PATJ: variants seen among roughly 807,000 people sequenced by gnomAD.
PATJ encodes the protein inaD-like protein.
PATJ carries 190 observed loss-of-function variants against 224.9 expected under a neutral mutation model. The ratio of observed to expected loss-of-function variants is 0.84; its 90% CI spans 0.75 to 0.95. The LOEUF (loss-of-function observed/expected upper bound fraction) is 0.95, where lower values mean the gene tolerates loss of function less well. PATJ is among the 40% of genes least tolerant of loss of function. The pLI is 0.00. For missense variants in PATJ, 2,121 were observed against 2,270.3 expected (o/e 0.93, Z 1.34); for synonymous variants, 769 against 820.3 (o/e 0.94, Z 1.07).
intron 17 of PATJ, among the ~76,000 whole-genome samples, chr1:61,850,378 C>T (rs1310739252): frequency 2.0e-5 from 3 of 152,206 alleles, no homozygotes; most frequent in Admixed American, 2.0e-4. Flanking sequence ...TAACAGTCTT[C>T]TTACGCCCAC....
chr1:62,120,947 CCATATACAAAAGCA>C (rs566779642), intron 37 of PATJ: 334 of 430,778 alleles, frequency 7.8e-4, no homozygotes, highest in Non-Finnish European at 1.1e-3. Flanking sequence ...GTGATTGAAA[CCATATACAAAAGCA>C]CACATAATGG....
intron 26 of PATJ, among the ~76,000 whole-genome samples, chr1:61,919,429 A>G (rs1011512120): frequency 6.6e-6 from 1 of 151,572 alleles, no homozygotes; most frequent in Non-Finnish European, 1.5e-5. Context: ...TGAGCCTCCC[A>G]AGTAGCTGAG....
chr1:61,940,201 C>T (rs11807297), intron 27 of PATJ, among the ~76,000 whole-genome samples: 6,595 of 152,056 alleles, frequency 0.043, 534 homozygotes, highest in African/African-American at 0.15. Context: ...TGGAGCAAGT[C>T]GCATCTATTT....
chr1:62,002,213 A>G (rs1435555976), intron 28 of PATJ, among the ~76,000 whole-genome samples: 1 of 152,144 alleles, frequency 6.6e-6, no homozygotes, highest in Non-Finnish European at 1.5e-5. Flanking sequence ...CTCCTTACCT[A>G]GAACCCCTTT....
chr1:61,761,218 C>G (rs1371791606), intron 1 of PATJ, among the ~76,000 whole-genome samples: 1 of 152,090 alleles, frequency 6.6e-6, no homozygotes, highest in Non-Finnish European at 1.5e-5. Context: ...TTCAAGTGAT[C>G]CTTCTGCCTT....
At chr1:61,904,348 C>T (rs1435072424) in intron 24 of PATJ, among the ~76,000 whole-genome samples, 1 of 152,154 alleles carries the variant, frequency 6.6e-6, no homozygotes, top group East Asian at 1.9e-4. Context: ...GTACCTTTCA[C>T]TCGGTCACCT....
chr1:61,900,748 C>T (rs887509294), intron 23 of PATJ, among the ~76,000 whole-genome samples: 2 of 152,096 alleles, frequency 1.3e-5, no homozygotes, highest in Non-Finnish European at 2.9e-5. Flanking sequence ...CGCCACTACG[C>T]CCGGCTAATT....
At chr1:61,880,958 G>A (rs562486110) in intron 21 of PATJ, among the ~76,000 whole-genome samples, 1 of 152,284 alleles carries the variant, frequency 6.6e-6, no homozygotes, top group African/African-American at 2.4e-5. Context: ...GCCGGGCATG[G>A]TGGCACACAC....
intron 26 of PATJ, among the ~76,000 whole-genome samples, chr1:61,924,278 G>T (rs1329788127): frequency 2.0e-5 from 3 of 152,174 alleles, no homozygotes; most frequent in Admixed American, 1.3e-4. Flanking sequence ...TGAGGCAGGA[G>T]AATTGCTTGA....
intron 21 of PATJ, among the ~76,000 whole-genome samples, chr1:61,881,993 CATT>C (rs1317924874): frequency 2.1e-4 from 32 of 152,256 alleles, no homozygotes; most frequent in South Asian, 6.2e-4. Context: ...CTTAAAAACT[CATT>C]GTTGGTTGGT....
At position 62,163,577 on chromosome 1, in the gene PATJ, TATG is replaced by T. The variant is rs2149087449; in HGVS notation, c.*2527_*2529del. On this transcript the variant is annotated 3_prime_UTR_variant, in exon 44 of 44. Coordinates refer to ENST00000642238, the MANE Select transcript of PATJ (RefSeq NM_001350145.3). ...AGTAAAAGTATATTGATGAAGGAAT[TATG>T]ATGCTTTATACTTCTTACTGCACTA... 6.5e-6 allele frequency: 1 copy of T among 152,778 alleles called. No individual in the cohort carries two copies. Among genetic ancestry groups the T allele is most frequent in the Non-Finnish European group, 1.5e-5 (1 of 68,034 alleles). 9.5% of individuals were successfully genotyped at this position (152,778 alleles called of 1,614,324 possible). A position where few individuals can be genotyped will look rare whatever the true frequency, so the allele number is the denominator to read the frequency against.
rs796637598 is a variant in PATJ at position 62,148,314 on chromosome 1, G to A, written c.5302G>A (p.Ala1768Thr). The change falls in exon 42 of 44, where the codon GCA (alanine) becomes ACA (threonine). Residue 1768 changes from alanine (A) to threonine (T), a missense_variant. Transcript: ENST00000642238. ...VVADTNISAIAAQLENMSTGY... is the reference protein window; with the variant it reads ...VVADTNISAITAQLENMSTGY... Reference sequence around the variant, plus strand: ...AGCAGATACCAATATAAGCGCCATAGCAGCTCAGCTTGAAAACATGTCTAC... The same window carrying A: ...AGCAGATACCAATATAAGCGCCATAACAGCTCAGCTTGAAAACATGTCTAC... 11 of 1,613,632 alleles carry A rather than the reference G, an allele frequency of 6.8e-6. No homozygotes were observed. Among genetic ancestry groups the A allele is most frequent in the Non-Finnish European group, 8.5e-6 (10 of 1,179,886 alleles).
intron 41 of PATJ, among the ~76,000 whole-genome samples, chr1:62,144,960 G>A (rs1408215830): frequency 1.3e-5 from 2 of 151,840 alleles, no homozygotes; most frequent in African/African-American, 4.8e-5. Context: ...CTCCAGGCCT[G>A]TGCCACCACA....
intron 15 of PATJ, 126 bp from the exon 16 acceptor site, chr1:61,827,296 G>A: frequency 1.4e-6 from 1 of 700,272 alleles, no homozygotes; most frequent in Non-Finnish European, 2.3e-6. Flanking sequence ...TGAAAGCGAG[G>A]CCCCTTGTTT....
chr1:61,895,180 G>A (rs945506434), intron 22 of PATJ, among the ~76,000 whole-genome samples: 1 of 152,188 alleles, frequency 6.6e-6, no homozygotes, highest in African/African-American at 2.4e-5. Context: ...GGGAAGCAGA[G>A]CATAAAGGTG....
At chr1:61,885,918 A>ATC (rs1201770469) in intron 22 of PATJ, among the ~76,000 whole-genome samples, 1 of 148,778 alleles carries the variant, frequency 6.7e-6, no homozygotes, top group African/African-American at 2.5e-5. Context: ...TCAGTAAACT[A>ATC]TCGCAAGGAG....
intron 27 of PATJ, among the ~76,000 whole-genome samples, chr1:61,947,862 C>G (rs757769373): frequency 1.3e-5 from 2 of 152,148 alleles, no homozygotes; most frequent in Non-Finnish European, 2.9e-5. Context: ...GGTACCAAAA[C>G]AGAGATATAG....
intron 29 of PATJ, among the ~76,000 whole-genome samples, chr1:62,026,867 A>G (rs61775631): frequency 0.11 from 17,433 of 152,258 alleles, 1,274 homozygotes; most frequent in Middle Eastern, 0.23. Context: ...TGGAGTATAT[A>G]TCCAAAATAA....
intron 15 of PATJ, among the ~76,000 whole-genome samples, chr1:61,827,104 A>G (rs1658404645): frequency 6.6e-6 from 1 of 152,180 alleles, no homozygotes; most frequent in Non-Finnish European, 1.5e-5. Flanking sequence ...ACATTGGAGT[A>G]TTGAAAGGAG....
Sources: allele counts gnomAD v4.1 joint callset (sites outside exome capture counted in the v4.1 genomes callset), GRCh38; gene constraint gnomAD v4.1.1; transcripts MANE v1.5; gene names NCBI Gene and HGNC (gene_info 2026-07-23, HGNC 2026-07-21).